Variants in PTPRG observed in about 807,000 individuals in gnomAD.
PTPRG encodes receptor-type tyrosine-protein phosphatase gamma.
Under a neutral mutation model 165.3 loss-of-function variants are expected in PTPRG, and 102 were observed. The observed-to-expected ratio is 0.62, with a 90% CI of 0.53 to 0.73. The LOEUF is 0.73. Among genes scored for constraint, PTPRG ranks in the 30% least tolerant of loss-of-function variants. The pLI, the probability that PTPRG is intolerant of heterozygous loss-of-function variation, is 0.00. For synonymous variants in PTPRG, 675 were observed against 669.5 expected (o/e 1.01, Z -0.13); for missense variants, 1,866 against 1,861.4 (o/e 1.00, Z -0.05).
chr3:62,138,713 CCAAAAAAAAAAAAA>C (rs1409079858), intron 6 of PTPRG, among the ~76,000 whole-genome samples: 3 of 32,152 alleles, frequency 9.3e-5, no homozygotes, highest in Admixed American at 7.8e-4. Context: ...GGGCAAAGCT[CCAAAAAAAAAAAAA>C]AAAAAAAAAG....
intron 2 of PTPRG, among the ~76,000 whole-genome samples, chr3:61,857,341 C>A (rs904612209): frequency 6.6e-6 from 1 of 152,180 alleles, no homozygotes; most frequent in Non-Finnish European, 1.5e-5. Flanking sequence ...GAGACAGATA[C>A]ACAGCAGCTC....
chr3:61,693,443 T>C (rs2030355641), intron 1 of PTPRG, among the ~76,000 whole-genome samples: 1 of 152,188 alleles, frequency 6.6e-6, no homozygotes, highest in Admixed American at 6.5e-5. Context: ...TGAATACATG[T>C]TCTTATCAAT....
At chr3:62,043,545 A>G (rs1338469427) in intron 4 of PTPRG, among the ~76,000 whole-genome samples, 1 of 152,228 alleles carries the variant, frequency 6.6e-6, no homozygotes, top group East Asian at 1.9e-4. Flanking sequence ...TTTTATTTTA[A>G]AAGGGCAGAT....
At chr3:61,707,697 A>G (rs1419067325) in intron 1 of PTPRG, among the ~76,000 whole-genome samples, 3 of 152,232 alleles carry the variant, frequency 2.0e-5, no homozygotes, top group Admixed American at 2.0e-4. Flanking sequence ...AGAATAATGA[A>G]TTGACCAAAT....
chr3:62,105,707 TG>T, intron 5 of PTPRG, among the ~76,000 whole-genome samples: 1 of 152,220 alleles, frequency 6.6e-6, no homozygotes, highest in Non-Finnish European at 1.5e-5. Context: ...TTATTCAGTC[TG>T]GGCAGTTGAG....
chr3:62,251,477 C>T (rs1035549117), intron 15 of PTPRG, among the ~76,000 whole-genome samples: 1 of 152,028 alleles, frequency 6.6e-6, no homozygotes, highest in Admixed American at 6.6e-5. Flanking sequence ...AGCAAGACTC[C>T]ATCTCTTTAA....
At chr3:62,162,892 C>T (rs1173180500) in intron 7 of PTPRG, among the ~76,000 whole-genome samples, 2 of 152,102 alleles carry the variant, frequency 1.3e-5, no homozygotes, top group Non-Finnish European at 2.9e-5. Flanking sequence ...CTGCATTAGT[C>T]CATTTTCACA....
At chr3:61,682,564 T>C (rs1397023775) in intron 1 of PTPRG, among the ~76,000 whole-genome samples, 1 of 152,234 alleles carries the variant, frequency 6.6e-6, no homozygotes, top group African/African-American at 2.4e-5. Flanking sequence ...TCAGAACTAC[T>C]GGTTCATTTA....
At chr3:61,880,641 A>G (rs1320778058) in intron 2 of PTPRG, among the ~76,000 whole-genome samples, 1 of 151,486 alleles carries the variant, frequency 6.6e-6, no homozygotes, top group Non-Finnish European at 1.5e-5. Context: ...AAAAAAAAAA[A>G]AAAGAGAGAG....
At chr3:61,920,505 C>A (rs1190681479) in intron 2 of PTPRG, among the ~76,000 whole-genome samples, 1 of 152,188 alleles carries the variant, frequency 6.6e-6, no homozygotes. Flanking sequence ...AAGTAATTCT[C>A]CTGCCTCAGC....
In PTPRG at chr3:62,157,190, T is replaced by C. The variant is rs775454102; in HGVS notation, c.806T>C (p.Val269Ala). 1.6e-5 allele frequency: 26 copies of C among 1,613,950 alleles called. No homozygotes were observed. Among genetic ancestry groups the C allele is most frequent in the Admixed American group, 3.3e-5 (2 of 60,012 alleles). The change falls in exon 7 of 30, where the codon GTC becomes GCC. Residue 269 changes from valine to alanine, a missense_variant. This residue lies in a region of PTPRG where 408 missense variants were observed against 376.2 expected (regional missense o/e 1.08). Coordinates refer to ENST00000474889, the MANE Select transcript of PTPRG (RefSeq NM_002841.4). ...PPCSEIVEWI[V>A]FRRPVPISYH... ...TGTAGCGAAATAGTGGAGTGGATAG[T>C]CTTCCGGAGACCCGTCCCCATCTCT... is the stretch of plus-strand genomic sequence containing the variant.
At chr3:62,120,870 A>G (rs1359946455) in intron 5 of PTPRG, among the ~76,000 whole-genome samples, 1 of 152,116 alleles carries the variant, frequency 6.6e-6, no homozygotes, top group Non-Finnish European at 1.5e-5. Flanking sequence ...AAGTTGGAGT[A>G]TTTTTGGAAC....
At chr3:61,738,326 A>ATATATGTATATATATATGTG (rs2032837215) in intron 1 of PTPRG, among the ~76,000 whole-genome samples, 8 of 110,710 alleles carry the variant, frequency 7.2e-5, no homozygotes, top group African/African-American at 2.7e-4. Flanking sequence ...ATATATATAT[A>ATATATGTATATATATATGTG]TATATATATA....
chr3:61,676,471 A>AAAAAAAAAAGAAAG (rs369505317), intron 1 of PTPRG, among the ~76,000 whole-genome samples: 4 of 99,090 alleles, frequency 4.0e-5, no homozygotes, highest in East Asian at 7.4e-4. Flanking sequence ...AAAAAAAAAA[A>AAAAAAAAAAGAAAG]AAAGAAAATT....
chr3:61,887,162 A>AT (rs2038071558), intron 2 of PTPRG, among the ~76,000 whole-genome samples: 1 of 89,208 alleles, frequency 1.1e-5, no homozygotes, highest in African/African-American at 3.8e-5. Flanking sequence ...ATATATATAT[A>AT]TATATATATT....
chr3:61,860,674 C>G (rs980554395), intron 2 of PTPRG, among the ~76,000 whole-genome samples: 2 of 152,028 alleles, frequency 1.3e-5, no homozygotes, highest in Admixed American at 1.3e-4. Context: ...GAACTCCTGA[C>G]CTCAAGTGAT....
chr3:61,740,207 C>T (rs961738589), intron 1 of PTPRG, among the ~76,000 whole-genome samples: 15 of 152,268 alleles, frequency 9.9e-5, no homozygotes, highest in Non-Finnish European at 1.6e-4. Flanking sequence ...TCTTCATTTT[C>T]CTGGTAATAT....
chr3:61,647,480 T>G (rs566692525), intron 1 of PTPRG, among the ~76,000 whole-genome samples: 1 of 152,214 alleles, frequency 6.6e-6, no homozygotes, highest in Admixed American at 6.5e-5. Context: ...ATTGTTCAGG[T>G]TCATCCAGCT....
At chr3:61,887,634 A>G (rs1021532804) in intron 2 of PTPRG, among the ~76,000 whole-genome samples, 12 of 152,022 alleles carry the variant, frequency 7.9e-5, no homozygotes, top group Admixed American at 5.2e-4. Context: ...CAGTAATCAC[A>G]TTACGTGGTT....
Sources: allele counts gnomAD v4.1 joint callset (sites outside exome capture counted in the v4.1 genomes callset), GRCh38; gene constraint gnomAD v4.1.1; regional missense constraint gnomAD v4.1.1; transcripts MANE v1.5; gene names NCBI Gene and HGNC (gene_info 2026-07-23, HGNC 2026-07-21).